Variants in NFRKB observed in about 807,000 individuals in gnomAD.
NFRKB encodes the protein nuclear factor related to kappa-B-binding protein.
Under a neutral mutation model 135.7 loss-of-function variants are expected in NFRKB, and 62 were observed. The observed-to-expected ratio is 0.46, with a 90% confidence interval of 0.37 to 0.56. The LOEUF (loss-of-function observed/expected upper bound fraction) is 0.56. Among genes scored for constraint, NFRKB ranks in the 20% least tolerant of loss-of-function variants. The pLI is 0.00. For synonymous variants in NFRKB, 678 were observed against 635.6 expected (o/e 1.07, Z -1.00); for missense variants, 1,545 against 1,662.0 (o/e 0.93, Z 1.22).
In NFRKB at chr11:129,885,576, C is replaced by T. The variant is rs559604978; in HGVS notation, c.499G>A (p.Ala167Thr). The change falls in exon 6 of 27, where the codon GCC (alanine) becomes ACC (threonine). Residue 167 changes from alanine to threonine, a missense_variant. Around this residue, in one of 3 missense-constraint regions of NFRKB, gnomAD observed 678 missense variants for 646.7 expected, o/e 1.05. Transcript: ENST00000682444. ...LLEMARRSGP[A>T]LPFRQKRPSP... ...GGGCGTTTCTGCCGGAAGGGAAGGG[C>T]GGGGCCACTCCGCCGGGCCATCTCC... 4.3e-6 allele frequency: 7 copies of T among 1,612,870 alleles called. No individual in the cohort carries two copies. In the South Asian group the frequency reaches 5.5e-5, roughly 13 times the overall value.
At chr11:129,889,027 G>A (rs1048192967) in intron 3 of NFRKB, among the ~76,000 whole-genome samples, 19 of 150,706 alleles carry the variant, frequency 1.3e-4, no homozygotes, top group African/African-American at 3.2e-4. Flanking sequence ...TGCCCAGGCT[G>A]GAGTGCAATG....
In NFRKB at chr11:129,876,790, G is replaced by A. The variant is rs765977806; in HGVS notation, c.1678C>T (p.Leu560Phe). 8 of 1,614,164 alleles carry A rather than the reference G, an allele frequency of 5.0e-6. No individual in the cohort carries two copies. Among genetic ancestry groups the A allele is most frequent in the Non-Finnish European group, 6.8e-6 (8 of 1,180,016 alleles). ...AGGGAGTGCTCCCGAGCCTTGTTGA[G>A]CGAGGTCTCCTTGTCAAACACGCCC... ...VKGVFDKETSLNKAREHSLLR... is the reference protein window; with the variant it reads ...VKGVFDKETSFNKAREHSLLR... The change falls in exon 17 of 27, where the codon CTC becomes TTC. Residue 560 changes from leucine to phenylalanine, a missense_variant. Around this residue, in one of 3 missense-constraint regions of NFRKB, gnomAD observed 114 missense variants for 211.0 expected, o/e 0.54. Coordinates refer to ENST00000682444, the MANE Select transcript of NFRKB (RefSeq NM_001143835.2).
intron 22 of NFRKB, 139 bp downstream of exon 22, chr11:129,873,606 G>T: frequency 8.3e-7 from 1 of 1,202,162 alleles, no homozygotes; most frequent in Non-Finnish European, 1.2e-6. Flanking sequence ...ACATTCAGTG[G>T]CTTATTCCGA....
chr11:129,884,746 T>G lies in NFRKB; in HGVS notation c.741A>C (p.Ala247=). The G allele has an allele frequency of 6.2e-7, 1 of 1,613,718 alleles. No individual in the cohort carries two copies. Among genetic ancestry groups the G allele is most frequent in the Non-Finnish European group, 8.5e-7 (1 of 1,179,986 alleles). The part of the protein sequence containing the change: ...PTLSTTDMKT[A]DKVELGDSDL... ...TGACAGCGGCAGCTTGGTTCTCACC[T>G]GCAGTTTTCATATCCGTGGTTGAAA... Residue 247 remains alanine (A), a splice_region_variant and synonymous_variant, in exon 7 of 27, where the codon GCA becomes GCC. Coordinates refer to ENST00000682444, the MANE Select transcript of NFRKB (RefSeq NM_001143835.2).
chr11:129,881,546 G>T (rs777969208), intron 12 of NFRKB, 38 bp from the exon 13 acceptor site: 1 of 1,611,540 alleles, frequency 6.2e-7, no homozygotes, highest in South Asian at 1.1e-5. Context: ...CCATACAGGT[G>T]CGTCCCTGAG....
intron 8 of NFRKB, 66 bp downstream of exon 8, chr11:129,884,004 C>G: frequency 6.5e-7 from 1 of 1,545,638 alleles, no homozygotes; most frequent in Non-Finnish European, 8.9e-7. Context: ...CCGTGTCTTC[C>G]TCAGGACAGC....
rs137981370 is a variant in NFRKB, at chr11:129,873,059, G to A, written c.2588C>T (p.Thr863Met). 9.0e-4 allele frequency: 1,447 copies of A among 1,612,830 alleles called. 3 individuals carry two copies. Among genetic ancestry groups the A allele is most frequent in the Non-Finnish European group, 1.1e-3 (1,269 of 1,179,396 alleles). Reference sequence around the variant, plus strand: ...TCCAGGCCGCTGCACAGTGGCTGCCGTAGTCTGCGCTTTGACGGGCACAGT... The same window carrying A: ...TCCAGGCCGCTGCACAGTGGCTGCCATAGTCTGCGCTTTGACGGGCACAGT... ...MATVPVKAQTTAATVQRPGPG... is the reference protein window; with the variant it reads ...MATVPVKAQTMAATVQRPGPG... The change falls in exon 23 of 27, where the codon ACG (threonine) becomes ATG (methionine). Residue 863 changes from threonine (T) to methionine (M), a missense_variant. Physicochemically the swap from Thr to Met is moderately conservative, Grantham distance 81. Around this residue, in one of 3 missense-constraint regions of NFRKB, gnomAD observed 753 missense variants for 804.3 expected, o/e 0.94. Coordinates refer to ENST00000682444, the MANE Select transcript of NFRKB (RefSeq NM_001143835.2).
Position 129,874,074 on chromosome 11 carries a change from A to C in NFRKB, c.2279+39T>G. 6.3e-7 allele frequency: 1 copy of C among 1,581,586 alleles called. No homozygotes were observed. Among genetic ancestry groups the C allele is most frequent in the East Asian group, 2.3e-5 (1 of 44,348 alleles). On this transcript the variant is annotated intron_variant, in intron 21 of 26. Transcript: ENST00000682444. The surrounding 1 kb of genome is among the most constrained non-coding windows in gnomAD (Gnocchi z 4.5). ...AAACTTAGGACATGCATACAAAAGA[A>C]CTCTAGAACGAAAAAGCTGAAGAAA...
intron 22 of NFRKB, 147 bp from the exon 23 acceptor site, chr11:129,873,243 T>C: frequency 1.6e-6 from 1 of 643,342 alleles, no homozygotes; most frequent in Non-Finnish European, 2.6e-6. Flanking sequence ...CTCTCTAAAA[T>C]GGACACTGTA....
intron 4 of NFRKB, chr11:129,888,231 C>CAA: frequency 1.8e-6 from 1 of 566,930 alleles, no homozygotes; most frequent in Non-Finnish European, 3.1e-6. Context: ...TAAACACACA[C>CAA]ACACACGAAC....
rs752911214 is a variant in NFRKB, at chr11:129,864,679, G to A, written c.*46C>T. ...AACCTCCCTGGTCCCTTCTCAGCCA[G>A]GACAGACCAGGCATGGTCTTTCACG... On this transcript the variant is annotated 3_prime_UTR_variant, in exon 27 of 27. Coordinates refer to ENST00000682444, the MANE Select transcript of NFRKB (RefSeq NM_001143835.2). 5.6e-6 allele frequency: 9 copies of A among 1,612,822 alleles called. No homozygotes were observed. Among genetic ancestry groups the A allele is most frequent in the African/African-American group, 2.7e-5 (2 of 74,908 alleles).
At chr11:129,866,357 A>G (rs1164926068) in intron 24 of NFRKB, among the ~76,000 whole-genome samples, 1 of 152,092 alleles carries the variant, frequency 6.6e-6, no homozygotes, top group East Asian at 1.9e-4. Context: ...CCCTCAGTAC[A>G]TGGCACAGTG....
chr11:129,892,690 A>G (rs551072788), intron 3 of NFRKB, 25 bp downstream of exon 3: 1 of 1,607,474 alleles, frequency 6.2e-7, no homozygotes, highest in South Asian at 1.1e-5. Flanking sequence ...AGAGAGGAAA[A>G]GGTCACAACC....
chr11:129,880,551 C>T (rs2135660559), intron 13 of NFRKB, among the ~76,000 whole-genome samples: 1 of 152,310 alleles, frequency 6.6e-6, no homozygotes, highest in African/African-American at 2.4e-5. Context: ...TGCTATTCAT[C>T]ATACACCTCT....
chr11:129,864,672 T>A lies in NFRKB; in HGVS notation c.*53A>T, dbSNP rs1016816934. 1 of 1,611,332 alleles carries A rather than the reference T, an allele frequency of 6.2e-7. No homozygotes were observed. The highest frequency in any genetic ancestry group is 8.5e-7 in the Non-Finnish European group (1 of 1,178,538). On this transcript the variant is annotated 3_prime_UTR_variant, in exon 27 of 27. Transcript: ENST00000682444. ...ATGATGCAACCTCCCTGGTCCCTTC[T>A]CAGCCAGGACAGACCAGGCATGGTC...
Position 129,875,479 on chromosome 11 carries a change from A to G in NFRKB, c.1748-16T>C. ...GCGTCCCGAACTGATGACATGAGAAAGCACACAGTCCACAAGTCAGGCAGG... is the reference window on the plus strand; with the variant it reads ...GCGTCCCGAACTGATGACATGAGAAGGCACACAGTCCACAAGTCAGGCAGG... On this transcript the variant is annotated splice_polypyrimidine_tract_variant and intron_variant, in intron 17 of 26. Coordinates refer to ENST00000682444, the MANE Select transcript of NFRKB (RefSeq NM_001143835.2). The G allele has an allele frequency of 6.3e-7, 1 of 1,577,020 alleles. No homozygotes were observed. Among genetic ancestry groups the G allele is most frequent in the Non-Finnish European group, 8.6e-7 (1 of 1,159,320 alleles).
At chr11:129,886,616 A>C (rs1421331513) in intron 4 of NFRKB, among the ~76,000 whole-genome samples, 172 bp from the exon 5 acceptor site, 2 of 152,230 alleles carry the variant, frequency 1.3e-5, no homozygotes, top group Non-Finnish European at 2.9e-5. Context: ...GCGTGCTGAG[A>C]AGCAATGACA....
In NFRKB at chr11:129,891,147, A is replaced by G. The variant is rs114800714; in HGVS notation, c.135+1568T>C. Reference sequence around the variant, plus strand: ...CTTGTCCGTGCTTGCAGTGGGACTCAATATTATCCTGCTGGGCAAAAGCAA... The same window carrying G: ...CTTGTCCGTGCTTGCAGTGGGACTCGATATTATCCTGCTGGGCAAAAGCAA... On this transcript the variant is annotated intron_variant, in intron 3 of 26. Coordinates refer to ENST00000682444, the MANE Select transcript of NFRKB (RefSeq NM_001143835.2). Among the ~76,000 whole-genome samples, 989 of 152,286 alleles carry G rather than the reference A, an allele frequency of 6.5e-3. 17 individuals carry two copies. Among genetic ancestry groups the G allele is most frequent in the African/African-American group, 0.021 (888 of 41,548 alleles).
rs372178662 is a variant in NFRKB at position 129,878,269 on chromosome 11, T to C, written c.1511+40A>G. Reference sequence around the variant, plus strand: ...AACCAAGGCAGTATCTGAACTACAGTTTCCCAGGACACCACCCACCACTAC... The same window carrying C: ...AACCAAGGCAGTATCTGAACTACAGCTTCCCAGGACACCACCCACCACTAC... On this transcript the variant is annotated intron_variant, in intron 15 of 26. Transcript: ENST00000682444. The C allele has an allele frequency of 3.7e-6, 6 of 1,605,090 alleles. No individual in the cohort carries two copies. In the African/African-American group the frequency reaches 6.7e-5, roughly 18 times the overall value.
Sources: allele counts gnomAD v4.1 joint callset (sites outside exome capture counted in the v4.1 genomes callset), GRCh38; gene constraint gnomAD v4.1.1; regional missense constraint gnomAD v4.1.1; non-coding constraint Gnocchi (gnomAD v3.1); transcripts MANE v1.5; gene names NCBI Gene and HGNC (gene_info 2026-07-23, HGNC 2026-07-21).